Variants in ASIC2 observed in about 807,000 individuals in gnomAD.
The protein encoded by ASIC2 is acid sensing ion channel subunit 2.
Under a neutral mutation model 57.3 loss-of-function variants are expected in ASIC2, and 25 were observed. That is an observed-to-expected ratio of 0.44 (90% CI 0.32 to 0.61). ASIC2 has a LOEUF of 0.61. Ranked by LOEUF, ASIC2 falls within the 20% of genes least tolerant of loss-of-function variation. ASIC2 has a pLI of 0.06. For synonymous variants in ASIC2, 319 were observed against 307.5 expected (o/e 1.04, Z -0.39); for missense variants, 641 against 738.1 (o/e 0.87, Z 1.52).
chr17:33,133,660 G>A (rs2092356567), intron 1 of ASIC2, among the ~76,000 whole-genome samples: 1 of 152,232 alleles, frequency 6.6e-6, no homozygotes, highest in Non-Finnish European at 1.5e-5. Flanking sequence ...CCATGAGGCA[G>A]TTCAAGAAAT....
At chr17:33,497,973 T>C (rs1913988814) in intron 1 of ASIC2, among the ~76,000 whole-genome samples, 4 of 152,192 alleles carry the variant, frequency 2.6e-5, no homozygotes, top group Admixed American at 2.0e-4. Context: ...TGGGTGGCTA[T>C]AGCCAAGGGA....
In ASIC2 at chr17:33,409,087, C is replaced by T. The variant is rs148901986; in HGVS notation, c.556-297020G>A. Among the ~76,000 whole-genome samples the T allele has an allele frequency of 1.4e-3, 208 of 152,088 alleles. 2 individuals carry two copies. Among genetic ancestry groups the T allele is most frequent in the African/African-American group, 4.7e-3 (196 of 41,502 alleles). On this transcript the variant is annotated intron_variant, in intron 1 of 9. Transcript: ENST00000359872. ...AAAATTAGCCAGAAGTGGTGGTGTG[C>T]GCATGTAGTCCCAGTTGCTAAGGAG... is the stretch of plus-strand genomic sequence containing the variant.
At chr17:34,103,343 G>A (rs1910934728) in intron 1 of ASIC2, among the ~76,000 whole-genome samples, 1 of 151,824 alleles carries the variant, frequency 6.6e-6, no homozygotes, top group African/African-American at 2.4e-5. Flanking sequence ...TTGCAGAGAT[G>A]GGGTCTCATT....
chr17:33,237,893 T>C (rs752623206), intron 1 of ASIC2, among the ~76,000 whole-genome samples: 25 of 152,164 alleles, frequency 1.6e-4, no homozygotes, highest in Non-Finnish European at 1.3e-4. Flanking sequence ...GCTCCATCTC[T>C]CACTAACCAC....
chr17:33,995,431 T>C (rs915849955), intron 1 of ASIC2, among the ~76,000 whole-genome samples: 1 of 152,140 alleles, frequency 6.6e-6, no homozygotes, highest in Non-Finnish European at 1.5e-5. Flanking sequence ...CTCTGGCATG[T>C]ACCCTGGCTC....
intron 1 of ASIC2, among the ~76,000 whole-genome samples, chr17:33,570,993 G>T (rs1916416276): frequency 6.6e-6 from 1 of 152,206 alleles, no homozygotes; most frequent in South Asian, 2.1e-4. Flanking sequence ...AGGTTCAAGA[G>T]TTGGAGAAAG....
chr17:33,852,721 G>T (rs2141916976), intron 1 of ASIC2, among the ~76,000 whole-genome samples: 1 of 152,282 alleles, frequency 6.6e-6, no homozygotes, highest in Non-Finnish European at 1.5e-5. Flanking sequence ...CCAAAGAAGA[G>T]AAACAATTTC....
intron 1 of ASIC2, among the ~76,000 whole-genome samples, chr17:33,940,100 G>A (rs1216534860): frequency 2.0e-5 from 3 of 152,178 alleles, no homozygotes; most frequent in African/African-American, 7.2e-5. Flanking sequence ...CGCTACTCTA[G>A]GTAAGCCATT....
chr17:33,037,450 G>A (rs1040764728), intron 3 of ASIC2, among the ~76,000 whole-genome samples: 1 of 136,296 alleles, frequency 7.3e-6, no homozygotes, highest in African/African-American at 2.8e-5. Context: ...CAGCCCTGCT[G>A]TGGCTGGTTC....
At chr17:33,957,531 A>G (rs1904774657) in intron 1 of ASIC2, among the ~76,000 whole-genome samples, 2 of 152,208 alleles carry the variant, frequency 1.3e-5, no homozygotes, top group Non-Finnish European at 1.5e-5. Flanking sequence ...ACATGGCAGC[A>G]GGCAAGAGAG....
At chr17:33,233,059 C>A (rs1328178424) in intron 1 of ASIC2, among the ~76,000 whole-genome samples, 1 of 152,024 alleles carries the variant, frequency 6.6e-6, no homozygotes, top group African/African-American at 2.4e-5. Flanking sequence ...CTGGCAGACT[C>A]CAGCTACGTG....
At chr17:33,500,458 A>G (rs1402870447) in intron 1 of ASIC2, among the ~76,000 whole-genome samples, 1 of 152,214 alleles carries the variant, frequency 6.6e-6, no homozygotes, top group Admixed American at 6.5e-5. Flanking sequence ...GAGGCCTGGG[A>G]CAGGCCTACA....
intron 1 of ASIC2, among the ~76,000 whole-genome samples, chr17:34,125,306 C>T (rs1176451869): frequency 6.6e-6 from 1 of 151,972 alleles, no homozygotes; most frequent in Admixed American, 6.6e-5. Flanking sequence ...AATGTGTATA[C>T]GTGTGCGCAT....
Position 34,156,077 on chromosome 17 carries a change from G to A in ASIC2, c.456C>T (p.Ser152=). The stretch of plus-strand genomic sequence containing the variant: ...CCACACGGTGCAGGAACTCCAGCAT[G>A]CTGAACTGCTTGGGTTTGTAGTGCT... Residue 152 remains serine (S), a synonymous_variant, in exon 1 of 10, where the codon AGC becomes AGT. Coordinates refer to the ASIC2 transcript ENST00000359872. The surrounding 1 kb of genome is among the most constrained non-coding windows in gnomAD (Gnocchi z 4.4). The A allele has an allele frequency of 6.2e-7, 1 of 1,614,058 alleles. No homozygotes were observed. Among genetic ancestry groups the A allele is most frequent in the East Asian group, 2.2e-5 (1 of 44,812 alleles).
intron 1 of ASIC2, among the ~76,000 whole-genome samples, chr17:33,481,720 A>G (rs1913412631): frequency 6.6e-6 from 1 of 152,136 alleles, no homozygotes. Flanking sequence ...ACAAAACAAA[A>G]CCACAGTGAA....
At chr17:33,172,412 C>T (rs1434909820) in intron 1 of ASIC2, among the ~76,000 whole-genome samples, 1 of 152,200 alleles carries the variant, frequency 6.6e-6, no homozygotes. Flanking sequence ...TCTGCCTTGG[C>T]AGATGGGCAG....
chr17:33,834,792 A>G (rs1022936621), intron 1 of ASIC2, among the ~76,000 whole-genome samples: 11 of 152,196 alleles, frequency 7.2e-5, no homozygotes, highest in Non-Finnish European at 1.5e-4. Context: ...TCTCCGTGGA[A>G]CTAAACTATG....
At chr17:33,445,292 G>A (rs557413836) in intron 1 of ASIC2, among the ~76,000 whole-genome samples, 1 of 152,096 alleles carries the variant, frequency 6.6e-6, no homozygotes, top group Non-Finnish European at 1.5e-5. Context: ...TTAACTGGGC[G>A]TGGTGGCACA....
chr17:33,046,482 GC>G (rs2091955402), intron 3 of ASIC2, among the ~76,000 whole-genome samples: 1 of 152,240 alleles, frequency 6.6e-6, no homozygotes, highest in Admixed American at 6.5e-5. Context: ...TCCCAGGGTG[GC>G]TTTTGCCCAG....
Sources: gnomAD v4.1 joint callset for allele counts (sites outside exome capture counted in the v4.1 genomes callset) on GRCh38, gnomAD v4.1.1 for gene constraint, Gnocchi (gnomAD v3.1) non-coding constraint, MANE v1.5 for transcripts, NCBI Gene and HGNC (gene_info 2026-07-23, HGNC 2026-07-21) for gene names.